The following PDZRN4 variants were observed in gnomAD, a reference collection of about 807,000 sequenced individuals.
The protein encoded by PDZRN4 is PDZ domain-containing RING finger protein 4.
PDZRN4 carries 70 observed loss-of-function variants against 99.0 expected under a neutral mutation model. The observed-to-expected ratio is 0.71, with a 90% CI of 0.58 to 0.86. The LOEUF (loss-of-function observed/expected upper bound fraction) is 0.86, where lower values mean the gene tolerates loss of function less well. Ranked by LOEUF, PDZRN4 falls within the 40% of genes least tolerant of loss-of-function variation. The pLI, the probability that PDZRN4 is intolerant of heterozygous loss-of-function variation, is 0.00. For synonymous variants in PDZRN4, 551 were observed against 501.6 expected, an observed-to-expected ratio of 1.10 and a Z score of -1.32; for missense variants, 1,474 against 1,331.2, an observed-to-expected ratio of 1.11 and a Z score of -1.67.
At chr12:41,329,856 T>TA (rs1951731859) in intron 3 of PDZRN4, among the ~76,000 whole-genome samples, 1 of 152,070 alleles carries the variant, frequency 6.6e-6, no homozygotes, top group Admixed American at 6.6e-5. Flanking sequence ...TCAAGCCAAG[T>TA]ACTGTTTTTA....
At chr12:41,490,220 T>C (rs1267648554) in intron 3 of PDZRN4, among the ~76,000 whole-genome samples, 1 of 152,188 alleles carries the variant, frequency 6.6e-6, no homozygotes, top group East Asian at 1.9e-4. Flanking sequence ...CTTTGATGAC[T>C]TCACATGTGT....
intron 3 of PDZRN4, among the ~76,000 whole-genome samples, chr12:41,244,319 G>A (rs1951119259): frequency 6.6e-6 from 1 of 151,976 alleles, no homozygotes; most frequent in Non-Finnish European, 1.5e-5. Context: ...CTTCTAACTG[G>A]TCTCTCTCCC....
chr12:41,357,418 C>A (rs571063731), intron 3 of PDZRN4, among the ~76,000 whole-genome samples: 1 of 152,042 alleles, frequency 6.6e-6, no homozygotes, highest in African/African-American at 2.4e-5. Context: ...TATTCTAAGG[C>A]CCATTCTCTT....
At chr12:41,542,827 A>T (rs1938882035) in intron 5 of PDZRN4, among the ~76,000 whole-genome samples, 1 of 152,074 alleles carries the variant, frequency 6.6e-6, no homozygotes. Context: ...TTTTTTTTCT[A>T]AAAAATCTAA....
intron 3 of PDZRN4, among the ~76,000 whole-genome samples, chr12:41,453,283 T>C (rs189956617): frequency 1.3e-5 from 2 of 152,248 alleles, no homozygotes; most frequent in Non-Finnish European, 2.9e-5. Context: ...CATCTTGTAA[T>C]ATGCAGACAT....
intron 3 of PDZRN4, among the ~76,000 whole-genome samples, chr12:41,322,359 C>T: frequency 6.6e-6 from 1 of 151,840 alleles, no homozygotes; most frequent in Non-Finnish European, 1.5e-5. Flanking sequence ...TTTGAGGATT[C>T]CTACTGAGTA....
chr12:41,429,561 T>C (rs1197418486), intron 3 of PDZRN4, among the ~76,000 whole-genome samples: 1 of 152,140 alleles, frequency 6.6e-6, no homozygotes, highest in Non-Finnish European at 1.5e-5. Context: ...GTCATAATGA[T>C]GACTGTCTCT....
At chr12:41,316,456 A>ATGTGTGTGTGTGTGTGTG (rs71081722) in intron 3 of PDZRN4, among the ~76,000 whole-genome samples, 1 of 144,428 alleles carries the variant, frequency 6.9e-6, no homozygotes, top group Non-Finnish European at 1.5e-5. Context: ...AAAAAGGCAA[A>ATGTGTGTGTGTGTGTGTG]TGTGTGTGTG....
intron 3 of PDZRN4, among the ~76,000 whole-genome samples, chr12:41,216,173 C>A (rs1566366858): frequency 6.6e-6 from 1 of 151,870 alleles, no homozygotes; most frequent in Non-Finnish European, 1.5e-5. Context: ...ACAGTTAGTA[C>A]AACGAGTACA....
chr12:41,252,353 A>G (rs1951176496), intron 3 of PDZRN4, among the ~76,000 whole-genome samples: 1 of 152,216 alleles, frequency 6.6e-6, no homozygotes. Flanking sequence ...GTACTACTCA[A>G]CAACAAAATG....
chr12:41,360,939 A>AGT (rs10522706), intron 3 of PDZRN4, among the ~76,000 whole-genome samples: 2,614 of 150,444 alleles, frequency 0.017, 71 homozygotes, highest in African/African-American at 0.05. Flanking sequence ...GAATAAGTAA[A>AGT]GTGTGTGTGT....
chr12:41,438,928 A>T (rs1045371115), intron 3 of PDZRN4, among the ~76,000 whole-genome samples: 3 of 152,206 alleles, frequency 2.0e-5, no homozygotes, highest in Non-Finnish European at 4.4e-5. Context: ...AAGATTGCTG[A>T]TGAAGGACGA....
At chr12:41,247,287 G>A (rs112226181) in intron 3 of PDZRN4, among the ~76,000 whole-genome samples, 3,042 of 152,198 alleles carry the variant, frequency 0.02, 71 homozygotes, top group African/African-American at 0.057. Context: ...CCTAATTAAG[G>A]TATGCAGACT....
chr12:41,547,627 A>T (rs285594), intron 5 of PDZRN4, among the ~76,000 whole-genome samples: 23,647 of 152,130 alleles, frequency 0.16, 2,196 homozygotes, highest in African/African-American at 0.26. Flanking sequence ...TCTGTCTCAA[A>T]AAAAGAATTA....
At chr12:41,291,239 G>C (rs779107661) in intron 3 of PDZRN4, among the ~76,000 whole-genome samples, 2 of 151,782 alleles carry the variant, frequency 1.3e-5, no homozygotes, top group Non-Finnish European at 2.9e-5. Flanking sequence ...AGATATTAGT[G>C]ATCAGAAACA....
At chr12:41,539,332 T>C (rs1938806642) in intron 5 of PDZRN4, among the ~76,000 whole-genome samples, 1 of 152,070 alleles carries the variant, frequency 6.6e-6, no homozygotes, top group Non-Finnish European at 1.5e-5. Flanking sequence ...TATTTTATGA[T>C]CTTTTGTTAT....
intron 3 of PDZRN4, among the ~76,000 whole-genome samples, chr12:41,215,685 A>G (rs942255438): frequency 2.0e-5 from 3 of 151,938 alleles, no homozygotes; most frequent in African/African-American, 7.2e-5. Flanking sequence ...CACTTGAATT[A>G]TAACTTGCAA....
chr12:41,559,048 A>C (rs1316158518), intron 7 of PDZRN4, among the ~76,000 whole-genome samples: 5 of 152,048 alleles, frequency 3.3e-5, no homozygotes, highest in Non-Finnish European at 7.4e-5. Context: ...TGTGATTTTA[A>C]TTTTCTGTTC....
At chr12:41,243,227 G>C (rs1311185315) in intron 3 of PDZRN4, among the ~76,000 whole-genome samples, 3 of 152,140 alleles carry the variant, frequency 2.0e-5, no homozygotes, top group Non-Finnish European at 4.4e-5. Context: ...GCAAGATATA[G>C]GGAGACATAG....
Sources: gnomAD v4.1 joint callset for allele counts (sites outside exome capture counted in the v4.1 genomes callset) on GRCh38, gnomAD v4.1.1 for gene constraint, MANE v1.5 for transcripts, NCBI Gene and HGNC (gene_info 2026-07-23, HGNC 2026-07-21) for gene names.